The following PCDHGC3 variants were observed in gnomAD, a reference collection of about 807,000 sequenced individuals.
The protein encoded by PCDHGC3 is protocadherin gamma subfamily C, 3.
Under a neutral mutation model 59.2 loss-of-function variants are expected in PCDHGC3, and 26 were observed. The observed-to-expected ratio is 0.44, with a 90% confidence interval of 0.32 to 0.61. The LOEUF is 0.61. PCDHGC3 is among the 20% of genes least tolerant of loss of function. The pLI, the probability that PCDHGC3 is intolerant of heterozygous loss-of-function variation, is 0.05. For synonymous variants in PCDHGC3, 487 were observed against 519.7 expected (o/e 0.94, Z 0.86); for missense variants, 1,080 against 1,221.8 (o/e 0.88, Z 1.73).
At position 141,494,841 on chromosome 5, in the gene PCDHGC3, A is replaced by G. The variant is rs1163193977; in HGVS notation, c.2465A>G (p.Gln822Arg). ...APPNTDWRFS[Q>R]AQRPGTSGSQ... ...CCCAACACGGACTGGCGTTTCTCTC[A>G]GGCCCAGAGACCCGGCACCAGCGGG... The change falls in exon 2 of 4, where the codon CAG (glutamine) becomes CGG (arginine). Residue 822 changes from glutamine to arginine, a missense_variant. Gln to Arg is a conservative substitution (Grantham distance 43). Coordinates refer to ENST00000308177, the MANE Select transcript of PCDHGC3 (RefSeq NM_002588.4). 1 of 1,613,996 alleles carries G rather than the reference A, an allele frequency of 6.2e-7. No homozygotes were observed. The highest frequency in any genetic ancestry group is 1.1e-5 in the South Asian group (1 of 91,074).
At position 141,490,148 on chromosome 5, in the gene PCDHGC3, A is replaced by G. The variant is rs2154582223; in HGVS notation, c.2431-4659A>G. The G allele has an allele frequency of 1.2e-6, 2 of 1,614,232 alleles. No homozygotes were observed. The highest frequency in any genetic ancestry group is 4.5e-5 in the East Asian group (2 of 44,888). On this transcript the variant is annotated intron_variant, in intron 1 of 3. Coordinates refer to ENST00000308177, the MANE Select transcript of PCDHGC3 (RefSeq NM_002588.4). The surrounding 1 kb of genome is among the most constrained non-coding windows in gnomAD (Gnocchi z 5.4). The stretch of plus-strand genomic sequence containing the variant: ...CTAGACCCTAGCAGTGGGGCAATCC[A>G]TGTGTTGGGTCCCATAGACTTTGAG...
Position 141,477,934 on chromosome 5 carries a change from C to T in PCDHGC3, c.1818C>T (p.Leu606=). Reference sequence around the variant, plus strand: ...CGGATGCAGGGCACAATGCCTGGCTCTCCTACAGTCTCTTGGGATCCCCTA... The same window carrying T: ...CGGATGCAGGGCACAATGCCTGGCTTTCCTACAGTCTCTTGGGATCCCCTA... The part of the protein sequence containing the change: ...WDADAGHNAW[L]SYSLLGSPNQ... The change falls in exon 1 of 4, where the codon CTC becomes CTT. Residue 606 remains leucine, a synonymous_variant. Coordinates refer to ENST00000308177, the MANE Select transcript of PCDHGC3 (RefSeq NM_002588.4). This position sits in a 1 kb window ranked among gnomAD's most constrained non-coding sequence, Gnocchi z 4.9. 3.1e-6 allele frequency: 5 copies of T among 1,614,204 alleles called. No individual in the cohort carries two copies. The highest frequency in any genetic ancestry group is 4.2e-6 in the Non-Finnish European group (5 of 1,180,036).
In PCDHGC3 at chr5:141,490,453, T is replaced by C; in HGVS notation, c.2431-4354T>C. 6.2e-7 allele frequency: 1 copy of C among 1,614,178 alleles called. No homozygotes were observed. Among genetic ancestry groups the C allele is most frequent in the Non-Finnish European group, 8.5e-7 (1 of 1,180,042 alleles). ...GATTAAGCCTTCTGAGAACCACTAC[T>C]CGCTGCTAACCAGCCAGCCTTTGGA... On this transcript the variant is annotated intron_variant, in intron 1 of 3. Coordinates refer to ENST00000308177, the MANE Select transcript of PCDHGC3 (RefSeq NM_002588.4). This position sits in a 1 kb window ranked among gnomAD's most constrained non-coding sequence, Gnocchi z 5.4.
chr5:141,505,294 G>A, intron 2 of PCDHGC3, 99 bp from the exon 3 acceptor site: 1 of 1,572,086 alleles, frequency 6.4e-7, no homozygotes, highest in Non-Finnish European at 8.6e-7. Flanking sequence ...GCATGGGGTA[G>A]GGTTAGGGTA....
At position 141,489,244 on chromosome 5, in the gene PCDHGC3, G is replaced by C. The variant is rs145484133; in HGVS notation, c.2431-5563G>C. The C allele has an allele frequency of 3.3e-6, 5 of 1,534,936 alleles. No homozygotes were observed. Among genetic ancestry groups the C allele is most frequent in the African/African-American group, 1.4e-5 (1 of 72,374 alleles). On this transcript the variant is annotated intron_variant, in intron 1 of 3. Transcript: ENST00000308177. This position sits in a 1 kb window ranked among gnomAD's most constrained non-coding sequence, Gnocchi z 4.5. ...TCCACAAAGGGACTTCTGGGTCATGGGGCCCAAGACACTCCCACAGCTCGC... is the reference window on the plus strand; with the variant it reads ...TCCACAAAGGGACTTCTGGGTCATGCGGCCCAAGACACTCCCACAGCTCGC...
At chr5:141,483,937 C>T (rs964918788) in intron 1 of PCDHGC3, among the ~76,000 whole-genome samples, 1 of 130,444 alleles carries the variant, frequency 7.7e-6, no homozygotes, top group African/African-American at 2.9e-5. Flanking sequence ...TAGGTACCTA[C>T]GGTGTGAATT....
In PCDHGC3 at chr5:141,485,872, G is replaced by A; in HGVS notation, c.2430+7326G>A. ...CCGCAGAGCTCCGGGTATCCGTGCT[G>A]GACGTAAACGACAACGCCCCAGCCT... On this transcript the variant is annotated intron_variant, in intron 1 of 3. Transcript: ENST00000308177. The surrounding 1 kb of genome is among the most constrained non-coding windows in gnomAD (Gnocchi z 5.7). 1 of 1,614,170 alleles carries A rather than the reference G, an allele frequency of 6.2e-7. No homozygotes were observed. The highest frequency in any genetic ancestry group is 2.2e-5 in the East Asian group (1 of 44,876).
intron 2 of PCDHGC3, among the ~76,000 whole-genome samples, chr5:141,501,847 C>T (rs976699397): frequency 1.3e-5 from 2 of 152,140 alleles, no homozygotes; most frequent in Admixed American, 6.5e-5. Context: ...GGCCCTCAAC[C>T]TTCAACCATT....
intron 1 of PCDHGC3, 108 bp from the exon 2 acceptor site, chr5:141,494,699 T>G: frequency 6.3e-7 from 1 of 1,592,240 alleles, no homozygotes; most frequent in East Asian, 2.3e-5. Context: ...GTCCGTTTTC[T>G]TCTCTGTGCC....
intron 3 of PCDHGC3, among the ~76,000 whole-genome samples, chr5:141,506,402 G>C (rs1032556978): frequency 7.0e-6 from 1 of 143,732 alleles, no homozygotes; most frequent in African/African-American, 2.6e-5. Context: ...GCAGAAAATC[G>C]CACCACTGCA....
chr5:141,487,516 G>A lies in PCDHGC3; in HGVS notation c.2431-7291G>A, dbSNP rs2099648095. On this transcript the variant is annotated intron_variant, in intron 1 of 3. Coordinates refer to ENST00000308177, the MANE Select transcript of PCDHGC3 (RefSeq NM_002588.4). The surrounding 1 kb of genome is among the most constrained non-coding windows in gnomAD (Gnocchi z 5.0). ...CACCCTTGGCTTCTGCACCCACTCG[G>A]AGTGATAGCTTCATGATGGTGAAGT... 6.2e-7 allele frequency: 1 copy of A among 1,614,078 alleles called. No individual in the cohort carries two copies. The highest frequency in any genetic ancestry group is 1.7e-5 in the Admixed American group (1 of 60,010).
In PCDHGC3 at chr5:141,486,157, A is replaced by C. The variant is rs1562110580; in HGVS notation, c.2430+7611A>C. On this transcript the variant is annotated intron_variant, in intron 1 of 3. Transcript: ENST00000308177. This position sits in a 1 kb window ranked among gnomAD's most constrained non-coding sequence, Gnocchi z 5.0. ...TGCGGGCTCGCGATGGGGGTTCTCC[A>C]GCCATGGAGCAACATTGCAGCCTTC... 10 of 1,614,208 alleles carry C rather than the reference A, an allele frequency of 6.2e-6. No individual in the cohort carries two copies. The highest frequency in any genetic ancestry group is 8.5e-6 in the Non-Finnish European group (10 of 1,180,028).
Position 141,491,417 on chromosome 5 carries a change from G to A in PCDHGC3, c.2431-3390G>A, listed in dbSNP as rs200843744. 5 of 1,613,988 alleles carry A rather than the reference G, an allele frequency of 3.1e-6. No homozygotes were observed. The highest frequency in any genetic ancestry group is 1.1e-5 in the South Asian group (1 of 91,092). Reference sequence around the variant, plus strand: ...CAGGGAAACGCAGACGGGGACGGGGGTGGAGGGCAGTGCTGCAGGCGCCAG... The same window carrying A: ...CAGGGAAACGCAGACGGGGACGGGGATGGAGGGCAGTGCTGCAGGCGCCAG... On this transcript the variant is annotated intron_variant, in intron 1 of 3. Transcript: ENST00000308177. The surrounding 1 kb of genome is among the most constrained non-coding windows in gnomAD (Gnocchi z 6.9).
Position 141,495,110 on chromosome 5 carries a change from T to C in PCDHGC3, c.2489+245T>C, listed in dbSNP as rs74534116. Among the ~76,000 whole-genome samples the C allele has an allele frequency of 3.9e-3, 595 of 152,212 alleles. 3 individuals carry two copies. The highest frequency in any genetic ancestry group is 0.013 in the African/African-American group (538 of 41,532). On this transcript the variant is annotated intron_variant, in intron 2 of 3. Coordinates refer to ENST00000308177, the MANE Select transcript of PCDHGC3 (RefSeq NM_002588.4). The stretch of plus-strand genomic sequence containing the variant: ...TTCCCTCCTCGCCACGACCGGCACC[T>C]TTTCCTATCCCCTGAGGGCACTGTG...
In PCDHGC3 at chr5:141,512,237, G is replaced by A. The variant is rs2099884134; in HGVS notation, c.*1064G>A. ...AGGACCAGGTCCCCTTGAGAGGTCA[G>A]AGGGGCCTCTGTGGGTGCTGGGTAC... On this transcript the variant is annotated 3_prime_UTR_variant, in exon 4 of 4. Transcript: ENST00000308177. 1 of 152,774 alleles carries A rather than the reference G, an allele frequency of 6.5e-6. No homozygotes were observed. The highest frequency in any genetic ancestry group is 1.5e-5 in the Non-Finnish European group (1 of 68,148). The allele number at this position is 152,774 out of a possible 1,614,324, so 9.5% of individuals were successfully genotyped here.
Position 141,485,751 on chromosome 5 carries a change from A to G in PCDHGC3, c.2430+7205A>G. ...CGCAGCGACGGCAGCCTGGTCCCAG[A>G]GCTGCTCCTGGAGAAGCCTTTGGAT... is the stretch of plus-strand genomic sequence containing the variant. On this transcript the variant is annotated intron_variant, in intron 1 of 3. Coordinates refer to ENST00000308177, the MANE Select transcript of PCDHGC3 (RefSeq NM_002588.4). This position sits in a 1 kb window ranked among gnomAD's most constrained non-coding sequence, Gnocchi z 5.7. 6.2e-7 allele frequency: 1 copy of G among 1,614,166 alleles called. No individual in the cohort carries two copies. Among genetic ancestry groups the G allele is most frequent in the Non-Finnish European group, 8.5e-7 (1 of 1,179,998 alleles).
At position 141,477,222 on chromosome 5, in the gene PCDHGC3, C is replaced by T; in HGVS notation, c.1106C>T (p.Thr369Ile). ...SPVPEDAPLG[T>I]VIALLSVTDL... Reference sequence around the variant, plus strand: ...GTACCCGAGGATGCCCCTCTGGGGACTGTCATCGCTTTGCTCAGTGTGACT... The same window carrying T: ...GTACCCGAGGATGCCCCTCTGGGGATTGTCATCGCTTTGCTCAGTGTGACT... The change falls in exon 1 of 4, where the codon ACT becomes ATT. Residue 369 changes from threonine (T) to isoleucine (I), a missense_variant. Transcript: ENST00000308177. This position sits in a 1 kb window ranked among gnomAD's most constrained non-coding sequence, Gnocchi z 4.9. 2 of 1,614,218 alleles carry T rather than the reference C, an allele frequency of 1.2e-6. No homozygotes were observed. Among genetic ancestry groups the T allele is most frequent in the South Asian group, 1.1e-5 (1 of 91,086 alleles).
Position 141,487,532 on chromosome 5 carries a change from A to C in PCDHGC3, c.2431-7275A>C. 6.2e-7 allele frequency: 1 copy of C among 1,614,158 alleles called. No homozygotes were observed. Among genetic ancestry groups the C allele is most frequent in the Non-Finnish European group, 8.5e-7 (1 of 1,180,022 alleles). On this transcript the variant is annotated intron_variant, in intron 1 of 3. Transcript: ENST00000308177. This position sits in a 1 kb window ranked among gnomAD's most constrained non-coding sequence, Gnocchi z 5.0. Reference sequence around the variant, plus strand: ...ACCCACTCGGAGTGATAGCTTCATGATGGTGAAGTCACCCAGTGCACCTAT... The same window carrying C: ...ACCCACTCGGAGTGATAGCTTCATGCTGGTGAAGTCACCCAGTGCACCTAT...
At position 141,510,993 on chromosome 5, in the gene PCDHGC3, G is replaced by A. The variant is rs1457918073; in HGVS notation, c.2625G>A (p.Met875Ile). The A allele has an allele frequency of 4.3e-6, 7 of 1,614,046 alleles. No homozygotes were observed. Among genetic ancestry groups the A allele is most frequent in the African/African-American group, 1.3e-5 (1 of 74,906 alleles). ...CCCTGGGAGGGGGTGCCGGCACCAT[G>A]GGATTGAGCGCCCGCTACGGACCCC... ...SSTLGGGAGT[M>I]GLSARYGPQF... The change falls in exon 4 of 4, where the codon ATG (methionine) becomes ATA (isoleucine). Residue 875 changes from methionine to isoleucine, a missense_variant. Transcript: ENST00000308177.
Sources: allele counts gnomAD v4.1 joint callset (sites outside exome capture counted in the v4.1 genomes callset), GRCh38; gene constraint gnomAD v4.1.1; non-coding constraint Gnocchi (gnomAD v3.1); transcripts MANE v1.5; gene names NCBI Gene and HGNC (gene_info 2026-07-23, HGNC 2026-07-21).